The following SP140 variants were observed in gnomAD, a reference collection of about 807,000 sequenced individuals.
SP140 encodes the protein SP140 nuclear body protein, also known as nuclear body protein SP140.
SP140 carries 81 observed loss-of-function variants against 125.0 expected under a neutral mutation model. The observed-to-expected ratio is 0.65, with a 90% confidence interval of 0.54 to 0.78. The LOEUF (loss-of-function observed/expected upper bound fraction) is 0.78, where lower values mean the gene tolerates loss of function less well. SP140 is among the 30% of genes least tolerant of loss of function. The pLI, the probability that SP140 is intolerant of heterozygous loss-of-function variation, is 0.00. For missense variants in SP140, 858 were observed against 1,037.0 expected, an observed-to-expected ratio of 0.83 and a Z score of 2.37; for synonymous variants, 312 against 354.0, an observed-to-expected ratio of 0.88 and a Z score of 1.33.
intron 21 of SP140, among the ~76,000 whole-genome samples, chr2:230,296,068 A>G (rs2057693152): frequency 8.2e-6 from 1 of 122,640 alleles, no homozygotes; most frequent in Non-Finnish European, 1.8e-5. Context: ...GTGAGATACC[A>G]TCTCTACCAA....
At chr2:230,256,970 T>G (rs1444863956) in intron 12 of SP140, among the ~76,000 whole-genome samples, 1 of 152,188 alleles carries the variant, frequency 6.6e-6, no homozygotes, top group Non-Finnish European at 1.5e-5. Context: ...GTTATTGCTG[T>G]TTTAAGGAGC....
Position 230,255,524 on chromosome 2 carries a change from G to C in SP140, c.1232G>C (p.Arg411Pro), listed in dbSNP as rs201567759. 2.5e-6 allele frequency: 4 copies of C among 1,579,446 alleles called. No individual in the cohort carries two copies. Among genetic ancestry groups the C allele is most frequent in the South Asian group, 1.1e-5 (1 of 89,146 alleles). ...RQEASSSLAR[R>P]GSVSSELENH... ...GAAGCCTCTAGCTCCCTAGCAAGACGTGGGTCAGGTAAGGACGGGGGGGGG... is the reference window on the plus strand; with the variant it reads ...GAAGCCTCTAGCTCCCTAGCAAGACCTGGGTCAGGTAAGGACGGGGGGGGG... Residue 411 changes from arginine to proline, a missense_variant, in exon 12 of 27, where the codon CGT becomes CCT. Physicochemically the swap from Arg to Pro is moderately radical, Grantham distance 103. Coordinates refer to ENST00000392045, the MANE Select transcript of SP140 (RefSeq NM_007237.5).
intron 26 of SP140, 120 bp from the exon 27 acceptor site, chr2:230,312,466 A>G: frequency 1.6e-6 from 1 of 627,316 alleles, no homozygotes; most frequent in East Asian, 3.0e-5. Flanking sequence ...ATGCCATTAT[A>G]AATTGTAGAC....
chr2:230,199,337 T>C (rs1045855157), upstream of SP140, among the ~76,000 whole-genome samples: 1 of 150,936 alleles, frequency 6.6e-6, no homozygotes, highest in Non-Finnish European at 1.5e-5. Context: ...GCCTCCCATG[T>C]AGCTGGGATT....
intron 3 of SP140, among the ~76,000 whole-genome samples, chr2:230,239,933 T>C (rs1360796304): frequency 6.6e-6 from 1 of 152,176 alleles, no homozygotes; most frequent in African/African-American, 2.4e-5. Context: ...GGGCTCTGAT[T>C]CTGTCTGTGG....
chr2:230,200,169 CA>C (rs2043067767), upstream of SP140, among the ~76,000 whole-genome samples: 1 of 152,120 alleles, frequency 6.6e-6, no homozygotes, highest in East Asian at 1.9e-4. Context: ...TTTTTCCTGA[CA>C]ATAATTAGAT....
At chr2:230,266,666 G>C (rs1006611369) in intron 12 of SP140, among the ~76,000 whole-genome samples, 1 of 152,210 alleles carries the variant, frequency 6.6e-6, no homozygotes, top group Non-Finnish European at 1.5e-5. Flanking sequence ...GCTCACCCAG[G>C]TTGTTGACAT....
At chr2:230,245,669 A>T (rs2049332769) in intron 6 of SP140, among the ~76,000 whole-genome samples, 194 bp from the exon 7 acceptor site, 1 of 152,158 alleles carries the variant, frequency 6.6e-6, no homozygotes, top group Non-Finnish European at 1.5e-5. Flanking sequence ...GGGAGAAAAA[A>T]GAAGGAGAGA....
the SP140 span, among the ~76,000 whole-genome samples, chr2:230,186,585 G>A: frequency 6.6e-6 from 1 of 152,128 alleles, no homozygotes; most frequent in Non-Finnish European, 1.5e-5. Flanking sequence ...GGCAAAATCT[G>A]AGACTTTAGT....
At chr2:230,202,597 G>A (rs199938221), upstream of SP140, 185 of 1,613,914 alleles carry the variant, frequency 1.1e-4, no homozygotes, top group Non-Finnish European at 1.4e-4. Flanking sequence ...CTCGACTTTC[G>A]GGCACATTCA....
chr2:230,314,740 A>G (rs536499913), downstream of SP140, among the ~76,000 whole-genome samples: 32 of 152,364 alleles, frequency 2.1e-4, no homozygotes, highest in East Asian at 6.0e-3. Flanking sequence ...GTTCCTCCTA[A>G]GGGGAACACT....
intron 18 of SP140, among the ~76,000 whole-genome samples, chr2:230,289,508 T>C (rs748180314): frequency 7.2e-5 from 11 of 152,188 alleles, no homozygotes; most frequent in Non-Finnish European, 1.3e-4. Flanking sequence ...CCGTTTATCA[T>C]GACTTCTGTT....
chr2:230,290,525 G>A lies in SP140; in HGVS notation c.1786G>A (p.Gly596Arg), dbSNP rs758383166. ...TCCTTTGCTTCCAGTGACCTGTGGT[G>A]GGGTGAAGGGAATTTTACATAAGAA... The part of the protein sequence containing the change: ...KAPLLPVTCG[G>R]VKGILHKKKL... Residue 596 changes from glycine to arginine, a missense_variant, in exon 19 of 27, where the codon GGG (glycine) becomes AGG (arginine). Transcript: ENST00000392045. 32 of 1,613,754 alleles carry A rather than the reference G, an allele frequency of 2.0e-5. No homozygotes were observed. Among genetic ancestry groups the A allele is most frequent in the Non-Finnish European group, 2.5e-5 (30 of 1,179,938 alleles).
upstream of SP140, chr2:230,202,694 C>G (rs2148861711): frequency 6.2e-7 from 1 of 1,614,138 alleles, no homozygotes; most frequent in Non-Finnish European, 8.5e-7. Flanking sequence ...CCCTTTTGAG[C>G]TTCTTTTGGA....
chr2:230,247,033 G>C (rs576883781), intron 7 of SP140, among the ~76,000 whole-genome samples: 2 of 152,132 alleles, frequency 1.3e-5, no homozygotes, highest in Non-Finnish European at 2.9e-5. Flanking sequence ...TTAGCAGCGA[G>C]TTTTCACATT....
At chr2:230,220,937 AGGAGTTCAAGGCTGC>A (rs2045760660), upstream of SP140, among the ~76,000 whole-genome samples, 1 of 152,092 alleles carries the variant, frequency 6.6e-6, no homozygotes, top group Non-Finnish European at 1.5e-5. Flanking sequence ...GCTTGAGCCC[AGGAGTTCAAGGCTGC>A]GGTGAGCTAT....
At chr2:230,304,919 T>G (rs2058615153) in intron 22 of SP140, among the ~76,000 whole-genome samples, 1 of 152,194 alleles carries the variant, frequency 6.6e-6, no homozygotes, top group African/African-American at 2.4e-5. Context: ...GGGATTTAAT[T>G]AAACTAAAAG....
the SP140 span, among the ~76,000 whole-genome samples, chr2:230,192,900 CT>C: frequency 3.3e-5 from 5 of 152,180 alleles, no homozygotes; most frequent in East Asian, 5.8e-4. Context: ...TCTATTGTTT[CT>C]TTTTTGACTT....
intron 15 of SP140, among the ~76,000 whole-genome samples, chr2:230,276,848 A>G (rs1056135284): frequency 1.3e-5 from 2 of 152,190 alleles, no homozygotes; most frequent in South Asian, 2.1e-4. Context: ...ATGACTTTGA[A>G]GTGTTCAACA....
Sources: allele counts gnomAD v4.1 joint callset (sites outside exome capture counted in the v4.1 genomes callset), GRCh38; gene constraint gnomAD v4.1.1; transcripts MANE v1.5; gene names NCBI Gene and HGNC (gene_info 2026-07-23, HGNC 2026-07-21).